Variants in COL27A1 observed in about 807,000 individuals in gnomAD.
COL27A1 encodes the protein collagen alpha-1(XXVII) chain.
Under a neutral mutation model 251.3 loss-of-function variants are expected in COL27A1, and 106 were observed. That is an observed-to-expected ratio of 0.42 (90% CI 0.36 to 0.50). COL27A1 has a LOEUF of 0.50. Among genes scored for constraint, COL27A1 ranks in the 20% least tolerant of loss-of-function variants. The probability of loss-of-function intolerance (pLI) is 0.00; values close to 1 mark genes in which losing one functional copy is unlikely to be tolerated. For missense variants in COL27A1, 2,325 were observed against 2,522.8 expected, an observed-to-expected ratio of 0.92 and a Z score of 1.68; for synonymous variants, 1,000 against 986.3, an observed-to-expected ratio of 1.01 and a Z score of -0.26.
intron 2 of COL27A1, among the ~76,000 whole-genome samples, chr9:114,164,495 AG>A (rs1293724979): frequency 6.6e-6 from 1 of 152,208 alleles, no homozygotes; most frequent in African/African-American, 2.4e-5. Flanking sequence ...CCCAGTGGAT[AG>A]GGGAAACCTC....
At chr9:114,165,317 C>A (rs1003536575) in intron 2 of COL27A1, among the ~76,000 whole-genome samples, 4 of 152,134 alleles carry the variant, frequency 2.6e-5, no homozygotes, top group African/African-American at 9.7e-5. Flanking sequence ...TCTGCCTATC[C>A]ATTTACCCAT....
intron 40 of COL27A1, among the ~76,000 whole-genome samples, 170 bp downstream of exon 40, chr9:114,283,932 G>A (rs1836094380): frequency 6.6e-6 from 1 of 152,218 alleles, no homozygotes; most frequent in Admixed American, 6.5e-5. Flanking sequence ...AGCCGTGGTT[G>A]GGGTGGAGGA....
chr9:114,181,754 A>G (rs1427588254), intron 4 of COL27A1, among the ~76,000 whole-genome samples: 1 of 152,182 alleles, frequency 6.6e-6, no homozygotes, highest in African/African-American at 2.4e-5. Flanking sequence ...GAACTTGGAT[A>G]TGGCCTGGGA....
At chr9:114,210,167 A>G (rs1480943193) in intron 11 of COL27A1, among the ~76,000 whole-genome samples, 2 of 152,232 alleles carry the variant, frequency 1.3e-5, no homozygotes, top group African/African-American at 4.8e-5. Context: ...CCCATGGGCC[A>G]AATCCAGCCA....
intron 2 of COL27A1, among the ~76,000 whole-genome samples, chr9:114,164,096 G>A (rs1848673391): frequency 6.6e-6 from 1 of 152,172 alleles, no homozygotes; most frequent in African/African-American, 2.4e-5. Context: ...AGAGTCAGGT[G>A]GCCTGGGTTC....
Position 114,267,506 on chromosome 9 carries a change from G to T in COL27A1, c.3450G>T (p.Gly1150=). ...IGPPGEMGPK[G]PPGAVGEPGL... is the part of the protein sequence containing the mutation. ...GGACCAATGGCGTTTTCTTTCAGGG[G>T]CCGCCTGGTGCAGTGGGAGAACCGG... is the stretch of plus-strand genomic sequence containing the variant. Residue 1150 remains glycine, a splice_region_variant and synonymous_variant, in exon 34 of 61, where the codon GGG becomes GGT. Coordinates refer to ENST00000356083, the MANE Select transcript of COL27A1 (RefSeq NM_032888.4). The T allele has an allele frequency of 6.3e-7, 1 of 1,598,476 alleles. No individual in the cohort carries two copies. Among genetic ancestry groups the T allele is most frequent in the Non-Finnish European group, 8.5e-7 (1 of 1,175,012 alleles).
intron 7 of COL27A1, 46 bp from the exon 8 acceptor site, chr9:114,205,056 C>T: frequency 6.3e-7 from 1 of 1,596,026 alleles, no homozygotes; most frequent in Non-Finnish European, 8.6e-7. Flanking sequence ...TCTCCAGGAC[C>T]AGATGTGTCC....
intron 1 of COL27A1, among the ~76,000 whole-genome samples, chr9:114,160,881 C>A (rs916100399): frequency 6.6e-6 from 1 of 152,120 alleles, no homozygotes; most frequent in African/African-American, 2.4e-5. Context: ...GGAGTAGTGT[C>A]TACATGATGG....
chr9:114,206,952 G>A (rs1463356033), intron 10 of COL27A1, among the ~76,000 whole-genome samples: 7 of 152,224 alleles, frequency 4.6e-5, no homozygotes, highest in Admixed American at 1.3e-4. Context: ...TGGGTGGACC[G>A]AATGGGGTAA....
At chr9:114,295,611 A>G (rs1331999561) in intron 49 of COL27A1, among the ~76,000 whole-genome samples, 1 of 152,218 alleles carries the variant, frequency 6.6e-6, no homozygotes, top group Non-Finnish European at 1.5e-5. Context: ...AACAGAATGA[A>G]AGGTCCAGAC....
intron 25 of COL27A1, 37 bp downstream of exon 25, chr9:114,250,705 G>A: frequency 6.3e-7 from 1 of 1,594,332 alleles, no homozygotes; most frequent in Middle Eastern, 1.7e-4. Context: ...AACAATTAGA[G>A]CTTGTGTTTT....
chr9:114,223,732 A>C (rs1426208250), intron 14 of COL27A1, among the ~76,000 whole-genome samples: 5 of 152,198 alleles, frequency 3.3e-5, no homozygotes, highest in African/African-American at 1.2e-4. Flanking sequence ...ATCCTGAGCA[A>C]AATTTTTAAC....
At chr9:114,175,449 C>T (rs952103078) in intron 3 of COL27A1, among the ~76,000 whole-genome samples, 2 of 152,234 alleles carry the variant, frequency 1.3e-5, no homozygotes, top group Admixed American at 1.3e-4. Context: ...GTGCTCGCCA[C>T]GAGCAAAGTG....
chr9:114,305,628 C>T (rs1828983458), intron 57 of COL27A1, among the ~76,000 whole-genome samples: 2 of 152,150 alleles, frequency 1.3e-5, no homozygotes, highest in Non-Finnish European at 2.9e-5. Context: ...TCTTCCTCTC[C>T]CACACGTGGC....
intron 7 of COL27A1, among the ~76,000 whole-genome samples, chr9:114,201,826 T>A (rs1464907210): frequency 6.6e-6 from 1 of 152,162 alleles, no homozygotes; most frequent in Non-Finnish European, 1.5e-5. Context: ...TAAGGGGATC[T>A]CTCCTTGAGT....
At position 114,288,995 on chromosome 9, in the gene COL27A1, G is replaced by T. The variant is rs201111332; in HGVS notation, c.4152+28G>T. ...GAGTGGTGCTTCGTGTCCCATCCCT[G>T]CCTCCCACCCTGAGTGGGGCGGAGC... On this transcript the variant is annotated intron_variant, in intron 44 of 60. Transcript: ENST00000356083. The T allele has an allele frequency of 1.1e-4, 179 of 1,612,620 alleles. 1 individual carries two copies. In the East Asian group the frequency reaches 3.7e-3, roughly 33 times the overall value.
intron 1 of COL27A1, among the ~76,000 whole-genome samples, chr9:114,156,755 C>T (rs1031652662): frequency 7.2e-5 from 11 of 152,132 alleles, no homozygotes; most frequent in Non-Finnish European, 1.6e-4. Context: ...CTGCGCGGAG[C>T]TGGGGCCCAG....
chr9:114,217,151 C>G (rs944874782), intron 12 of COL27A1, among the ~76,000 whole-genome samples: 1 of 152,206 alleles, frequency 6.6e-6, no homozygotes, highest in Non-Finnish European at 1.5e-5. Context: ...ACCATCATCG[C>G]CCTCTGGCTA....
At chr9:114,199,654 C>T (rs1000837225) in intron 7 of COL27A1, among the ~76,000 whole-genome samples, 12 of 152,188 alleles carry the variant, frequency 7.9e-5, no homozygotes, top group East Asian at 1.9e-4. Context: ...GCAGAAGTGA[C>T]GCCTCACTTC....
Sources: gnomAD v4.1 joint callset for allele counts (sites outside exome capture counted in the v4.1 genomes callset) on GRCh38, gnomAD v4.1.1 for gene constraint, MANE v1.5 for transcripts, NCBI Gene and HGNC (gene_info 2026-07-23, HGNC 2026-07-21) for gene names.